Variants in MRPS31 observed in about 807,000 individuals in gnomAD.
MRPS31 encodes the protein mitochondrial ribosomal protein S31, also known as small ribosomal subunit protein mS31.
A neutral mutation model predicts 43.1 loss-of-function variants in MRPS31; 32 were observed. The observed-to-expected ratio is 0.74, with a 90% CI of 0.56 to 1.00. The LOEUF (loss-of-function observed/expected upper bound fraction) is 1.00. Among genes scored for constraint, MRPS31 ranks in the 50% least tolerant of loss-of-function variants. The pLI is 0.00. For missense variants in MRPS31, 437 were observed against 466.7 expected (o/e 0.94, Z 0.59); for synonymous variants, 165 against 161.6 (o/e 1.02, Z -0.16).
chr13:40,760,149 A>AC (rs1880653662), intron 2 of MRPS31, among the ~76,000 whole-genome samples: 1 of 150,490 alleles, frequency 6.6e-6, no homozygotes, highest in African/African-American at 2.5e-5. Flanking sequence ...AAAAAAAAAA[A>AC]AAAAAAACTG....
chr13:40,737,268 C>G (rs964985780), intron 6 of MRPS31, among the ~76,000 whole-genome samples: 2 of 151,958 alleles, frequency 1.3e-5, no homozygotes, highest in Non-Finnish European at 2.9e-5. Flanking sequence ...ACAGGAGCAC[C>G]CAGATTCATA....
At chr13:40,736,432 G>A (rs1217080215) in intron 6 of MRPS31, among the ~76,000 whole-genome samples, 9 of 147,278 alleles carry the variant, frequency 6.1e-5, no homozygotes, top group South Asian at 2.2e-4. Flanking sequence ...TACAGAGAAC[G>A]CCACAAAGAT....
At chr13:40,753,978 A>C (rs1169266745) in intron 5 of MRPS31, 41 bp downstream of exon 5, 1 of 1,239,264 alleles carries the variant, frequency 8.1e-7, no homozygotes, top group Non-Finnish European at 1.2e-6. Context: ...GGAACGATGG[A>C]ATGTTTCTCC....
intron 6 of MRPS31, 116 bp downstream of exon 6, chr13:40,749,022 G>A (rs1880315754): frequency 1.0e-6 from 1 of 991,730 alleles, no homozygotes; most frequent in African/African-American, 1.7e-5. Flanking sequence ...AGGACACCAT[G>A]AAGATATCCA....
intron 6 of MRPS31, among the ~76,000 whole-genome samples, chr13:40,732,931 C>A (rs982783277): frequency 9.4e-5 from 14 of 149,732 alleles, no homozygotes; most frequent in African/African-American, 3.4e-4. Context: ...CGCCTGTAAT[C>A]TCAACACTTT....
chr13:40,758,560 AG>A (rs1318854161), intron 3 of MRPS31, among the ~76,000 whole-genome samples: 2 of 152,234 alleles, frequency 1.3e-5, no homozygotes, highest in Non-Finnish European at 2.9e-5. Context: ...AATACAGAAG[AG>A]GAAAAAGAGA....
chr13:40,758,830 T>A, intron 3 of MRPS31, 118 bp downstream of exon 3: 1 of 943,632 alleles, frequency 1.1e-6, no homozygotes, highest in Non-Finnish European at 1.4e-6. Flanking sequence ...TTATGTGGTA[T>A]ATTTTATATA....
intron 6 of MRPS31, among the ~76,000 whole-genome samples, chr13:40,746,365 A>G (rs1880239547): frequency 6.6e-6 from 1 of 152,228 alleles, no homozygotes; most frequent in Admixed American, 6.5e-5. Context: ...GGCAGCGATC[A>G]AAGTAAGAGT....
intron 6 of MRPS31, among the ~76,000 whole-genome samples, chr13:40,738,238 G>C (rs1879980969): frequency 6.6e-6 from 1 of 151,214 alleles, no homozygotes; most frequent in Admixed American, 6.6e-5. Context: ...ACTAAACCAG[G>C]AAGAAGTTGA....
chr13:40,770,876 C>G, intron 1 of MRPS31, 109 bp downstream of exon 1: 2 of 1,400,020 alleles, frequency 1.4e-6, no homozygotes, highest in African/African-American at 1.4e-5. Flanking sequence ...TGGGATTTCT[C>G]TTTCCTCAGA....
At chr13:40,736,229 G>C (rs1214912044) in intron 6 of MRPS31, among the ~76,000 whole-genome samples, 2 of 152,164 alleles carry the variant, frequency 1.3e-5, no homozygotes, top group East Asian at 3.8e-4. Flanking sequence ...AAAGTTTAGA[G>C]AAAAGAGAAT....
At chr13:40,740,417 C>T (rs1176435746) in intron 6 of MRPS31, among the ~76,000 whole-genome samples, 3 of 126,882 alleles carry the variant, frequency 2.4e-5, no homozygotes, top group African/African-American at 3.5e-5. Flanking sequence ...ACCATTTGAC[C>T]CAGCCATCCC....
chr13:40,757,582 C>A (rs1450819363), intron 3 of MRPS31, among the ~76,000 whole-genome samples: 3 of 150,318 alleles, frequency 2.0e-5, no homozygotes, highest in African/African-American at 7.3e-5. Context: ...GTAGCTGAGA[C>A]TACAGGCGTG....
chr13:40,740,463 G>T (rs1263800463), intron 6 of MRPS31, among the ~76,000 whole-genome samples: 1 of 134,758 alleles, frequency 7.4e-6, no homozygotes, highest in Non-Finnish European at 1.5e-5. Context: ...TATACATCAT[G>T]CTGCTATAAA....
chr13:40,737,700 C>T (rs140474002), intron 6 of MRPS31, among the ~76,000 whole-genome samples: 6,795 of 152,030 alleles, frequency 0.045, 315 homozygotes, highest in East Asian at 0.14. Context: ...GGGTACATAA[C>T]GAAATGAAGG....
In MRPS31 at chr13:40,729,595, T is replaced by G; in HGVS notation, c.965A>C (p.Asp322Ala). Residue 322 changes from aspartate (D) to alanine (A), a missense_variant, in exon 7 of 7, where the codon GAT (aspartate) becomes GCT (alanine). Asp to Ala is a moderately radical substitution (Grantham distance 126). Transcript: ENST00000323563. ...TTCATGAAATTCTGAACCATCATCA[T>G]CAAAACCTAGGAAATGAGACCAAAT... ...EFPINNEAGF[D>A]DDGSEFHEHI... is the part of the protein sequence containing the mutation. The G allele has an allele frequency of 6.2e-7, 1 of 1,605,754 alleles. No homozygotes were observed. Among genetic ancestry groups the G allele is most frequent in the Non-Finnish European group, 8.5e-7 (1 of 1,172,752 alleles).
chr13:40,754,026 A>G lies in MRPS31; in HGVS notation c.807T>C (p.Pro269=), dbSNP rs1244271997. 2 of 1,591,232 alleles carry G rather than the reference A, an allele frequency of 1.3e-6. No homozygotes were observed. Among genetic ancestry groups the G allele is most frequent in the Non-Finnish European group, 1.7e-6 (2 of 1,163,276 alleles). The part of the protein sequence containing the change: ...FDMMAVTKEA[P]ETDTSPSLWD... ...GTGTTATTCTTAACAAACCTGTTTC[A>G]GGTGCTTCTTTAGTAACTGCCATCA... is the stretch of plus-strand genomic sequence containing the variant. The change falls in exon 5 of 7, where the codon CCT becomes CCC. Residue 269 remains proline (P), a synonymous_variant. Coordinates refer to ENST00000323563, the MANE Select transcript of MRPS31 (RefSeq NM_005830.4).
intron 3 of MRPS31, among the ~76,000 whole-genome samples, chr13:40,758,181 T>A (rs1448297391): frequency 6.6e-6 from 1 of 150,834 alleles, no homozygotes; most frequent in Non-Finnish European, 1.5e-5. Flanking sequence ...TGCCTCAGCA[T>A]CCAAAGTAGC....
intron 1 of MRPS31, 24 bp downstream of exon 1, chr13:40,770,961 G>A: frequency 6.2e-7 from 1 of 1,613,972 alleles, no homozygotes. Flanking sequence ...ACAGGACGGG[G>A]CACGGGGTTG....
Sources: allele counts gnomAD v4.1 joint callset (sites outside exome capture counted in the v4.1 genomes callset), GRCh38; gene constraint gnomAD v4.1.1; transcripts MANE v1.5; gene names NCBI Gene and HGNC (gene_info 2026-07-23, HGNC 2026-07-21).